SAMMSON: variants seen among roughly 807,000 people sequenced by gnomAD.
The protein encoded by SAMMSON is survival associated mitochondrial melanoma specific oncogenic non-coding RNA.
intron 2 of SAMMSON, among the ~76,000 whole-genome samples, chr3:70,431,134 G>A (rs768896157): frequency 8.6e-5 from 13 of 152,006 alleles, no homozygotes; most frequent in Non-Finnish European, 1.9e-4. Context: ...AAAAACTTAC[G>A]AGAGTATATG....
chr3:70,134,342 A>T (rs1178229326), intron 4 of SAMMSON, among the ~76,000 whole-genome samples: 1 of 151,652 alleles, frequency 6.6e-6, no homozygotes, highest in Non-Finnish European at 1.5e-5. Context: ...AAAGTATTCA[A>T]TAAATGATTT....
At chr3:70,124,534 C>T (rs373278336) in intron 4 of SAMMSON, among the ~76,000 whole-genome samples, 1 of 152,098 alleles carries the variant, frequency 6.6e-6, no homozygotes, top group African/African-American at 2.4e-5. Context: ...TACCTGTGGC[C>T]GAGTACCGTG....
chr3:70,109,523 C>T (rs528757372), intron 4 of SAMMSON, among the ~76,000 whole-genome samples: 2 of 152,312 alleles, frequency 1.3e-5, no homozygotes, highest in South Asian at 4.1e-4. Context: ...AGGGGAAGAG[C>T]TTGGCCTCTG....
rs556317189 is a variant in SAMMSON at position 70,364,568 on chromosome 3, TC to T, written n.913+6245del. Among the ~76,000 whole-genome samples, 33 of 151,994 alleles carry T rather than the reference TC, an allele frequency of 2.2e-4. 1 individual carries two copies. The South Asian group carries it at 6.4e-3, about 30-fold the overall frequency. ...ATTCTATCTTTAAAATGCAAGACATTCACTAAGATTTGTGTTGGTGTAAGCT... is the reference window on the plus strand; with the variant it reads ...ATTCTATCTTTAAAATGCAAGACATTACTAAGATTTGTGTTGGTGTAAGCT... On this transcript the variant is annotated intron_variant and non_coding_transcript_variant, in intron 9 of 9. Transcript: ENST00000642114.
At chr3:70,311,769 A>G (rs1702455595) in intron 7 of SAMMSON, 2 of 390,570 alleles carry the variant, frequency 5.1e-6, no homozygotes, top group Admixed American at 8.9e-5. Context: ...AGTGAAAATC[A>G]GAAGTACTAC....
In SAMMSON at chr3:70,427,466, G is replaced by T. The variant is rs560258544; in HGVS notation, n.234-35094G>T. ...TTAAAAATGTCCAAAAGGGCCGGGCGCGGTGGCTCACGCCTGTAATCCCAG... is the reference window on the plus strand; with the variant it reads ...TTAAAAATGTCCAAAAGGGCCGGGCTCGGTGGCTCACGCCTGTAATCCCAG... On this transcript the variant is annotated intron_variant and non_coding_transcript_variant, in intron 2 of 3. Transcript: ENST00000641053. Among the ~76,000 whole-genome samples the T allele has an allele frequency of 7.2e-5, 11 of 152,212 alleles. No homozygotes were observed. The South Asian group carries it at 2.3e-3, about 32-fold the overall frequency.
At chr3:70,367,291 C>T (rs1415503999) in intron 9 of SAMMSON, among the ~76,000 whole-genome samples, 1 of 151,488 alleles carries the variant, frequency 6.6e-6, no homozygotes, top group African/African-American at 2.4e-5. Context: ...GTTTTATACC[C>T]ATTAATCAAT....
At chr3:70,362,702 T>A (rs17007159) in intron 9 of SAMMSON, among the ~76,000 whole-genome samples, 16,313 of 151,974 alleles carry the variant, frequency 0.11, 1,403 homozygotes, top group East Asian at 0.52. Context: ...TTTTTTTACA[T>A]CCCTGAATTG....
At chr3:70,061,445 C>T (rs1321967802) in intron 3 of SAMMSON, among the ~76,000 whole-genome samples, 4 of 152,102 alleles carry the variant, frequency 2.6e-5, no homozygotes, top group South Asian at 4.1e-4. Flanking sequence ...ACATACACAT[C>T]GAGAGACTGC....
At chr3:70,122,087 A>G (rs1410586576) in intron 4 of SAMMSON, among the ~76,000 whole-genome samples, 1 of 152,212 alleles carries the variant, frequency 6.6e-6, no homozygotes, top group Non-Finnish European at 1.5e-5. Context: ...TTTGGAATTA[A>G]TAATAAGAGG....
At position 70,078,437 on chromosome 3, in the gene SAMMSON, C is replaced by T. The variant is rs565110327; in HGVS notation, n.507+6872C>T. Reference sequence around the variant, plus strand: ...GGGTGTGGAGTGGCAATGTGGTGGCCCTGATTCCAGATCATGCTTTTATCA... The same window carrying T: ...GGGTGTGGAGTGGCAATGTGGTGGCTCTGATTCCAGATCATGCTTTTATCA... On this transcript the variant is annotated intron_variant and non_coding_transcript_variant, in intron 4 of 9. Transcript: ENST00000642114. Among the ~76,000 whole-genome samples, 67 of 151,956 alleles carry T rather than the reference C, an allele frequency of 4.4e-4. 4 individuals are homozygous for T. Among genetic ancestry groups the T allele is most frequent in the African/African-American group, 1.4e-3 (58 of 41,436 alleles).
intron 6 of SAMMSON, among the ~76,000 whole-genome samples, chr3:70,271,239 C>T (rs1345103422): frequency 3.3e-5 from 5 of 151,960 alleles, no homozygotes; most frequent in African/African-American, 7.2e-5. Flanking sequence ...CCTTAGGGTT[C>T]GCAAACTCAA....
intron 3 of SAMMSON, among the ~76,000 whole-genome samples, chr3:70,019,487 A>C (rs1180213876): frequency 1.3e-5 from 2 of 152,152 alleles, no homozygotes; most frequent in African/African-American, 4.8e-5. Context: ...TCTGCACTTG[A>C]GATGGGTCTC....
intron 2 of SAMMSON, among the ~76,000 whole-genome samples, chr3:70,432,414 C>T (rs1031587751): frequency 6.0e-5 from 9 of 150,924 alleles, no homozygotes; most frequent in Non-Finnish European, 1.2e-4. Flanking sequence ...TATATATATA[C>T]TATCAAATGT....
At chr3:70,042,350 A>G (rs1029606281) in intron 3 of SAMMSON, among the ~76,000 whole-genome samples, 6 of 152,110 alleles carry the variant, frequency 3.9e-5, no homozygotes, top group African/African-American at 1.2e-4. Flanking sequence ...AACAGTGCCT[A>G]CTAAGCAATC....
chr3:70,414,325 A>G (rs1359870960), intron 2 of SAMMSON, among the ~76,000 whole-genome samples: 1 of 152,178 alleles, frequency 6.6e-6, no homozygotes, highest in African/African-American at 2.4e-5. Flanking sequence ...ATGAGATGCT[A>G]GACTTTATCA....
At chr3:70,405,448 G>A (rs1026514391) in intron 2 of SAMMSON, among the ~76,000 whole-genome samples, 2 of 152,102 alleles carry the variant, frequency 1.3e-5, no homozygotes, top group African/African-American at 2.4e-5. Flanking sequence ...AGGTTTTTAT[G>A]ACTATGTTAA....
At chr3:70,297,536 T>C (rs1404731285) in intron 7 of SAMMSON, among the ~76,000 whole-genome samples, 1 of 152,120 alleles carries the variant, frequency 6.6e-6, no homozygotes, top group Non-Finnish European at 1.5e-5. Context: ...AGGCTTATTA[T>C]TGCATATGTC....
intron 4 of SAMMSON, among the ~76,000 whole-genome samples, chr3:70,138,541 G>A (rs568618398): frequency 6.6e-6 from 1 of 152,238 alleles, no homozygotes; most frequent in South Asian, 2.1e-4. Flanking sequence ...CTATCACCTA[G>A]GTGGCTAGAA....
Sources: gnomAD v4.1 joint callset for allele counts (sites outside exome capture counted in the v4.1 genomes callset) on GRCh38, gnomAD v4.1.1 for gene constraint, MANE v1.5 for transcripts, NCBI Gene and HGNC (gene_info 2026-07-23, HGNC 2026-07-21) for gene names.